ADCY3: variants seen among roughly 807,000 people sequenced by gnomAD.
ADCY3 encodes the protein adenylate cyclase type 3.
In ADCY3, 70 loss-of-function variants were observed where a neutral mutation model predicts 119.4. The observed-to-expected ratio is 0.59, with a 90% CI of 0.48 to 0.72. ADCY3 has a LOEUF of 0.72. Among genes scored for constraint, ADCY3 ranks in the 30% least tolerant of loss-of-function variants. The pLI is 0.00. For synonymous variants in ADCY3, 672 were observed against 621.4 expected, an observed-to-expected ratio of 1.08 and a Z score of -1.21; for missense variants, 1,238 against 1,541.6, an observed-to-expected ratio of 0.80 and a Z score of 3.30.
chr2:24,834,417 G>GCCCC lies in ADCY3; in HGVS notation c.1967+64_1967+67dup. On this transcript the variant is annotated intron_variant, in intron 11 of 21. Transcript: ENST00000679454. The surrounding 1 kb of genome is among the most constrained non-coding windows in gnomAD (Gnocchi z 4.2). ...ATGTCAGGCTCCCGCTGAGACACCTGCCCCCGCCCCCCGCCCGGCACCACC... is the reference window on the plus strand; with the variant it reads ...ATGTCAGGCTCCCGCTGAGACACCTGCCCCCCCCCGCCCCCCGCCCGGCACCACC... 1 of 1,395,356 alleles carries GCCCC rather than the reference G, an allele frequency of 7.2e-7. No homozygotes were observed. The highest frequency in any genetic ancestry group is 1.3e-5 in the South Asian group (1 of 78,702). 86.4% of individuals were successfully genotyped at this position (1,395,356 alleles called of 1,614,324 possible). A position where few individuals can be genotyped will look rare whatever the true frequency, so the allele number is the denominator to read the frequency against.
chr2:24,887,483 G>C (rs1677171227), intron 2 of ADCY3, among the ~76,000 whole-genome samples: 1 of 152,160 alleles, frequency 6.6e-6, no homozygotes, highest in South Asian at 2.1e-4. Context: ...GGAACACTCG[G>C]GGCTGCCAAG....
chr2:24,860,868 G>C (rs917266819), intron 3 of ADCY3, among the ~76,000 whole-genome samples: 50 of 152,168 alleles, frequency 3.3e-4, no homozygotes, highest in African/African-American at 1.1e-3. Flanking sequence ...CAGCAGAGGA[G>C]GAAGCTGAGG....
At chr2:24,848,514 G>A (rs981620958) in intron 3 of ADCY3, among the ~76,000 whole-genome samples, 1 of 152,188 alleles carries the variant, frequency 6.6e-6, no homozygotes, top group African/African-American at 2.4e-5. Context: ...CTGTGTGCGT[G>A]TCTTTAATTT....
chr2:24,854,796 TC>T (rs1483264724), intron 3 of ADCY3, among the ~76,000 whole-genome samples: 1 of 152,086 alleles, frequency 6.6e-6, no homozygotes, highest in Non-Finnish European at 1.5e-5. Flanking sequence ...ACGCCTGTAA[TC>T]CCAGCACTTT....
intron 2 of ADCY3, among the ~76,000 whole-genome samples, chr2:24,907,747 C>G (rs1389906263): frequency 2.0e-5 from 3 of 152,202 alleles, no homozygotes; most frequent in African/African-American, 7.2e-5. Context: ...GTAATCCCAG[C>G]ACTTTGGGAG....
chr2:24,869,979 A>G lies in ADCY3; in HGVS notation c.825+2591T>C, dbSNP rs116329403. On this transcript the variant is annotated intron_variant, in intron 3 of 21. Coordinates refer to ENST00000679454, the MANE Select transcript of ADCY3 (RefSeq NM_004036.5). ...TCCCAATGGTAACAGTGCTTTACCAATCCCAGTGGGATTCACATAGATTCC... is the reference window on the plus strand; with the variant it reads ...TCCCAATGGTAACAGTGCTTTACCAGTCCCAGTGGGATTCACATAGATTCC... Among the ~76,000 whole-genome samples, 596 of 152,086 alleles carry G rather than the reference A, an allele frequency of 3.9e-3. 7 individuals carry two copies. The highest frequency in any genetic ancestry group is 0.013 in the African/African-American group (546 of 41,468).
At position 24,883,041 on chromosome 2, in the gene ADCY3, T is replaced by C. The variant is rs556632151; in HGVS notation, c.676-10322A>G. Among the ~76,000 whole-genome samples the C allele has an allele frequency of 4.1e-5, 6 of 144,776 alleles. No individual in the cohort carries two copies. In the South Asian group the frequency reaches 1.3e-3, roughly 32 times the overall value. The allele number at this position is 144,776 out of a possible 152,430, so 95.0% of individuals were successfully genotyped here. On this transcript the variant is annotated intron_variant, in intron 2 of 21. Transcript: ENST00000679454. ...CACCACTGCACTCCAGCCTGGATGA[T>C]GGAGTGAGACCCTGTCTCAAAAAAA...
intron 7 of ADCY3, among the ~76,000 whole-genome samples, chr2:24,839,152 G>A (rs2148553161): frequency 6.6e-6 from 1 of 152,234 alleles, no homozygotes; most frequent in Middle Eastern, 3.4e-3. Context: ...ATGTTGGTCA[G>A]GCTGGTCTCA....
At position 24,819,237 on chromosome 2, in the gene ADCY3, G is replaced by A. The variant is rs191201383; in HGVS notation, c.*695C>T. 1 of 152,760 alleles carries A rather than the reference G, an allele frequency of 6.5e-6. No homozygotes were observed. Among genetic ancestry groups the A allele is most frequent in the East Asian group, 1.9e-4 (1 of 5,178 alleles). 9.5% of individuals were successfully genotyped at this position (152,760 alleles called of 1,614,324 possible). On this transcript the variant is annotated 3_prime_UTR_variant, in exon 22 of 22. Transcript: ENST00000679454. ...ATCAATACCTGTAAATTCTCTTAAA[G>A]CAGTAGCAAAGGCGACTGTAGCAAG...
intron 2 of ADCY3, among the ~76,000 whole-genome samples, chr2:24,882,192 C>G (rs887078670): frequency 1.3e-5 from 2 of 152,180 alleles, no homozygotes; most frequent in Non-Finnish European, 2.9e-5. Context: ...TGCACCCACC[C>G]AGAAGGCCCA....
At chr2:24,847,097 T>A (rs572584382) in intron 3 of ADCY3, among the ~76,000 whole-genome samples, 1 of 152,276 alleles carries the variant, frequency 6.6e-6, no homozygotes, top group Non-Finnish European at 1.5e-5. Flanking sequence ...CAACTTGAAT[T>A]CTATCTCCCA....
Position 24,834,433 on chromosome 2 carries a change from CGG to C in ADCY3, c.1967+50_1967+51del. 35 of 1,321,828 alleles carry C rather than the reference CGG, an allele frequency of 2.6e-5. No homozygotes were observed. The highest frequency in any genetic ancestry group is 2.6e-4 in the Middle Eastern group (1 of 3,868). 81.9% of individuals were successfully genotyped at this position (1,321,828 alleles called of 1,614,324 possible). ...GAGACACCTGCCCCCGCCCCCCGCC[CGG>C]CACCACCGCAGCCGAGGAAACTCGT... On this transcript the variant is annotated intron_variant, in intron 11 of 21. Coordinates refer to ENST00000679454, the MANE Select transcript of ADCY3 (RefSeq NM_004036.5). This position sits in a 1 kb window ranked among gnomAD's most constrained non-coding sequence, Gnocchi z 4.2.
chr2:24,889,370 A>G (rs1490597493), intron 2 of ADCY3, among the ~76,000 whole-genome samples: 3 of 152,056 alleles, frequency 2.0e-5, no homozygotes, highest in Admixed American at 6.6e-5. Context: ...ATCTTGCTCA[A>G]CTCCCAGACA....
At chr2:24,863,570 G>C (rs2148745905) in intron 3 of ADCY3, among the ~76,000 whole-genome samples, 1 of 152,262 alleles carries the variant, frequency 6.6e-6, no homozygotes, top group South Asian at 2.1e-4. Flanking sequence ...TTTTATTTTA[G>C]AGATGGAGGT....
chr2:24,829,160 G>C (rs1031440001), intron 13 of ADCY3, among the ~76,000 whole-genome samples: 22 of 151,982 alleles, frequency 1.4e-4, no homozygotes, highest in African/African-American at 5.1e-4. Context: ...GGAATTACAG[G>C]CTCGTGCCAT....
chr2:24,871,149 G>A (rs1399076508), intron 3 of ADCY3, among the ~76,000 whole-genome samples: 4 of 146,664 alleles, frequency 2.7e-5, no homozygotes, highest in Non-Finnish European at 6.0e-5. Flanking sequence ...TTTTTTTTAA[G>A]TGCAGAGAAC....
chr2:24,896,205 G>T (rs567552444), intron 2 of ADCY3, among the ~76,000 whole-genome samples: 1 of 152,060 alleles, frequency 6.6e-6, no homozygotes, highest in Non-Finnish European at 1.5e-5. Flanking sequence ...TCAACATGGC[G>T]AAACCCCATC....
chr2:24,838,098 A>G (rs929488636), intron 8 of ADCY3, among the ~76,000 whole-genome samples: 9 of 112,830 alleles, frequency 8.0e-5, no homozygotes, highest in Non-Finnish European at 1.2e-4. Context: ...CTGAGCATCC[A>G]CGTCACTCCT....
intron 18 of ADCY3, 127 bp downstream of exon 18, chr2:24,823,082 A>T: frequency 1.6e-6 from 2 of 1,219,566 alleles, no homozygotes; most frequent in Non-Finnish European, 2.2e-6. Context: ...GCAGAAGTCC[A>T]TGTATTGCGG....
Sources: gnomAD v4.1 joint callset for allele counts (sites outside exome capture counted in the v4.1 genomes callset) on GRCh38, gnomAD v4.1.1 for gene constraint, Gnocchi (gnomAD v3.1) non-coding constraint, MANE v1.5 for transcripts, NCBI Gene and HGNC (gene_info 2026-07-23, HGNC 2026-07-21) for gene names.